Variants in ZNF808 observed in about 807,000 individuals in gnomAD.
ZNF808 encodes the protein zinc finger protein 808.
Under a neutral mutation model 8.7 loss-of-function variants are expected in ZNF808, and 5 were observed. The observed-to-expected ratio is 0.58, with a 90% CI of 0.30 to 1.21. The LOEUF (loss-of-function observed/expected upper bound fraction) is 1.21, where lower values mean the gene tolerates loss of function less well. ZNF808 is among the 50% of genes most tolerant of loss of function. ZNF808 has a pLI of 0.07. For missense variants in ZNF808, 1,103 were observed against 1,098.4 expected, an observed-to-expected ratio of 1.00 and a Z score of -0.06; for synonymous variants, 380 against 366.0, an observed-to-expected ratio of 1.04 and a Z score of -0.44.
In ZNF808 at chr19:52,553,142, T is replaced by G; in HGVS notation, c.226T>G (p.Ser76Ala). 1.3e-6 allele frequency: 2 copies of G among 1,576,244 alleles called. No homozygotes were observed. Among genetic ancestry groups the G allele is most frequent in the Admixed American group, 2.0e-5 (1 of 51,076 alleles). The change falls in exon 5 of 5, where the codon TCA becomes GCA. Residue 76 changes from serine (S) to alanine (A), a missense_variant. Transcript: ENST00000359798. ...SSKHMMKEVL[S>A]TGQGNREVIH... Reference sequence around the variant, plus strand: ...CAAACACATGATGAAGGAGGTCTTGTCAACAGGGCAAGGCAATAGAGAAGT... The same window carrying G: ...CAAACACATGATGAAGGAGGTCTTGGCAACAGGGCAAGGCAATAGAGAAGT...
At position 52,553,838 on chromosome 19, in the gene ZNF808, C is replaced by T. The variant is rs761581588; in HGVS notation, c.922C>T (p.Leu308Phe). Reference sequence around the variant, plus strand: ...GTCATCCCTTACATGCCATCATAGACTTCATACTGGAGTAAAACCTTACAA... The same window carrying T: ...GTCATCCCTTACATGCCATCATAGATTTCATACTGGAGTAAAACCTTACAA... ...YKSSLTCHHR[L>F]HTGVKPYKCN... The change falls in exon 5 of 5, where the codon CTT (leucine) becomes TTT (phenylalanine). Residue 308 changes from leucine to phenylalanine, a missense_variant. Leu to Phe is a conservative substitution (Grantham distance 22, BLOSUM62 0). Coordinates refer to ENST00000359798, the MANE Select transcript of ZNF808 (RefSeq NM_001039886.4). 6.2e-7 allele frequency: 1 copy of T among 1,613,964 alleles called. No homozygotes were observed. The highest frequency in any genetic ancestry group is 1.1e-5 in the South Asian group (1 of 91,088).
In ZNF808 at chr19:52,537,681, C is replaced by T. The variant is rs557886462; in HGVS notation, c.-20+4672C>T. 5.8e-4 allele frequency among the ~76,000 whole-genome samples: 81 copies of T among 140,144 alleles called. 1 individual carries two copies. The East Asian group carries it at 0.015, about 26-fold the overall frequency. The allele number at this position is 140,144 out of a possible 152,430, so 91.9% of individuals were successfully genotyped here. On this transcript the variant is annotated intron_variant, in intron 2 of 4. Coordinates refer to ENST00000359798, the MANE Select transcript of ZNF808 (RefSeq NM_001039886.4). ...CCAGCCTGGTCAAAAGAGCAAGACCCTGTCTCAAAAAAAAAAAAAAAAGGG... is the reference window on the plus strand; with the variant it reads ...CCAGCCTGGTCAAAAGAGCAAGACCTTGTCTCAAAAAAAAAAAAAAAAGGG...
chr19:52,535,917 G>A (rs993036125), intron 2 of ZNF808: 3 of 151,908 alleles, frequency 2.0e-5, no homozygotes, highest in African/African-American at 7.3e-5. Flanking sequence ...AGGTCTCTCT[G>A]CCTCGCGCCC....
rs1346665703 is a variant in ZNF808, at chr19:52,553,654, A to G, written c.738A>G (p.Leu246=). Residue 246 remains leucine, a synonymous_variant, in exon 5 of 5, where the codon TTA becomes TTG. Coordinates refer to ENST00000359798, the MANE Select transcript of ZNF808 (RefSeq NM_001039886.4). ...SGKAFNCSSL[L]RKHQIPHLGD... The stretch of plus-strand genomic sequence containing the variant: ...AAGCCTTTAATTGTAGCTCACTCTT[A>G]AGGAAACACCAGATACCCCATTTAG... 2 of 1,614,206 alleles carry G rather than the reference A, an allele frequency of 1.2e-6. No individual in the cohort carries two copies. The highest frequency in any genetic ancestry group is 1.6e-4 in the Middle Eastern group (1 of 6,062).
intron 2 of ZNF808, among the ~76,000 whole-genome samples, chr19:52,542,695 C>T (rs1376197384): frequency 6.6e-6 from 1 of 152,038 alleles, no homozygotes; most frequent in African/African-American, 2.4e-5. Context: ...GTAAGAAGTA[C>T]ATTGGTTTGG....
chr19:52,535,546 C>T (rs1387498982), intron 2 of ZNF808, among the ~76,000 whole-genome samples: 4 of 151,976 alleles, frequency 2.6e-5, no homozygotes, highest in South Asian at 2.1e-4. Flanking sequence ...AGGTGGTGAC[C>T]TCACTCCTCC....
At position 52,554,138 on chromosome 19, in the gene ZNF808, T is replaced by C; in HGVS notation, c.1222T>C (p.Phe408Leu). 6.2e-7 allele frequency: 1 copy of C among 1,614,130 alleles called. No homozygotes were observed. Among genetic ancestry groups the C allele is most frequent in the South Asian group, 1.1e-5 (1 of 91,078 alleles). The change falls in exon 5 of 5, where the codon TTT (phenylalanine) becomes CTT (leucine). Residue 408 changes from phenylalanine to leucine, a missense_variant. Phe to Leu is a conservative substitution (Grantham distance 22). Coordinates refer to ENST00000359798, the MANE Select transcript of ZNF808 (RefSeq NM_001039886.4). ...CAAGTGTAATGAGTGTGGTAAGGCT[T>C]TTAATCATCAATCAAGCCTTGCACG... ...TYKCNECGKA[F>L]NHQSSLARHH...
chr19:52,551,520 T>C (rs989821411), intron 4 of ZNF808, among the ~76,000 whole-genome samples: 2 of 152,188 alleles, frequency 1.3e-5, no homozygotes, highest in African/African-American at 2.4e-5. Context: ...TGTGTGCTGG[T>C]GGTTAAGTAG....
chr19:52,549,336 C>T (rs887879575), intron 4 of ZNF808, among the ~76,000 whole-genome samples: 1 of 152,084 alleles, frequency 6.6e-6, no homozygotes, highest in African/African-American at 2.4e-5. Flanking sequence ...TGTTCACCCC[C>T]ATGGTCTACT....
At chr19:52,549,677 G>A (rs1237463578) in intron 4 of ZNF808, among the ~76,000 whole-genome samples, 1 of 151,850 alleles carries the variant, frequency 6.6e-6, no homozygotes, top group African/African-American at 2.4e-5. Context: ...ACTCCTACAT[G>A]CCCATTACTT....
In ZNF808 at chr19:52,528,690, T is replaced by G. The variant is rs547046187; in HGVS notation, c.-122+979T>G. On this transcript the variant is annotated intron_variant, in intron 1 of 4. Transcript: ENST00000359798. ...CAGACAGAGCAGAGTGGTGCTGGTG[T>G]CAAGGAGAACCGAGGGAGAAACACA... 9.4e-4 allele frequency among the ~76,000 whole-genome samples: 143 copies of G among 151,898 alleles called. 1 individual carries two copies. Among genetic ancestry groups the G allele is most frequent in the African/African-American group, 1.3e-3 (54 of 41,410 alleles).
chr19:52,564,815 G>A (rs751507412), downstream of ZNF808, among the ~76,000 whole-genome samples: 6 of 151,998 alleles, frequency 3.9e-5, no homozygotes, highest in Non-Finnish European at 7.4e-5. Flanking sequence ...GGCAGGGTGC[G>A]ATGGCTCACA....
chr19:52,541,687 A>G (rs1041864264), intron 2 of ZNF808, among the ~76,000 whole-genome samples: 1 of 142,804 alleles, frequency 7.0e-6, no homozygotes, highest in Non-Finnish European at 1.5e-5. Context: ...TCCAAATATT[A>G]AAAAAAAAAA....
At position 52,554,569 on chromosome 19, in the gene ZNF808, T is replaced by A. The variant is rs537179814; in HGVS notation, c.1653T>A (p.Asn551Lys). The A allele has an allele frequency of 3.1e-6, 5 of 1,613,816 alleles. No homozygotes were observed. In the South Asian group the frequency reaches 5.5e-5, roughly 18 times the overall value. Residue 551 changes from asparagine (N) to lysine (K), a missense_variant, in exon 5 of 5, where the codon AAT (asparagine) becomes AAA (lysine). Physicochemically the swap from Asn to Lys is moderately conservative, Grantham distance 94. Transcript: ENST00000359798. ...TTTGTAACAAGGTTTTCATGCGTAA[T>A]TCAGTCCTGGCTGTACATACTAGAA... ...CTVCNKVFMR[N>K]SVLAVHTRIH...
intron 4 of ZNF808, among the ~76,000 whole-genome samples, chr19:52,552,292 C>T (rs1469384949): frequency 1.3e-5 from 2 of 152,138 alleles, no homozygotes; most frequent in South Asian, 2.1e-4. Context: ...GCTGGGATTA[C>T]AGGCATGAGC....
At chr19:52,536,387 T>C (rs1329263653) in intron 2 of ZNF808, among the ~76,000 whole-genome samples, 2 of 152,090 alleles carry the variant, frequency 1.3e-5, no homozygotes, top group Non-Finnish European at 2.9e-5. Flanking sequence ...TCCCAGCCTC[T>C]CCGTCTTCGG....
intron 2 of ZNF808, among the ~76,000 whole-genome samples, chr19:52,542,215 A>G (rs2446080): frequency 2.0e-5 from 3 of 151,882 alleles, no homozygotes; most frequent in Admixed American, 6.6e-5. Context: ...TGCGTCAGAC[A>G]CCCGAGTAGC....
In ZNF808 at chr19:52,543,328, C is replaced by G; in HGVS notation, c.44C>G (p.Ser15Ter). ...GCTCAGAAGAGGAAAGGAAAGGAGTCAGGCATGGCTCTTCCTCAGGTGAAG... is the reference window on the plus strand; with the variant it reads ...GCTCAGAAGAGGAAAGGAAAGGAGTGAGGCATGGCTCTTCCTCAGGTGAAG... ...EAAQKRKGKE[S>*]GMALPQGRLT... Residue 15 changes from serine to a stop codon, truncating the protein, a stop_gained, in exon 3 of 5, where the codon TCA (serine) becomes TGA (stop). Transcript: ENST00000359798. LOFTEE classifies it high-confidence loss of function. The G allele has an allele frequency of 1.2e-6, 2 of 1,613,436 alleles. No individual in the cohort carries two copies. Among genetic ancestry groups the G allele is most frequent in the East Asian group, 4.5e-5 (2 of 44,876 alleles).
downstream of ZNF808, among the ~76,000 whole-genome samples, chr19:52,558,172 G>A (rs575531168): frequency 2.9e-5 from 4 of 138,968 alleles, no homozygotes; most frequent in South Asian, 7.1e-4. Flanking sequence ...TGCAAGCTCC[G>A]CCTCCTGGGT....
Sources: allele counts gnomAD v4.1 joint callset (sites outside exome capture counted in the v4.1 genomes callset), GRCh38; gene constraint gnomAD v4.1.1; transcripts MANE v1.5; gene names NCBI Gene and HGNC (gene_info 2026-07-23, HGNC 2026-07-21).